RSPO2: variants seen among roughly 807,000 people sequenced by gnomAD.
The protein encoded by RSPO2 is R-spondin-2.
A neutral mutation model predicts 30.9 loss-of-function variants in RSPO2; 14 were observed. That is an observed-to-expected ratio of 0.45 (90% confidence interval 0.30 to 0.71). The LOEUF (loss-of-function observed/expected upper bound fraction) is 0.71, where lower values mean the gene tolerates loss of function less well. Ranked by LOEUF, RSPO2 falls within the 30% of genes least tolerant of loss-of-function variation. RSPO2 has a pLI of 0.08. For missense variants in RSPO2, 264 were observed against 301.9 expected (o/e 0.87, Z 0.93); for synonymous variants, 107 against 96.4 (o/e 1.11, Z -0.64).
intron 2 of RSPO2, among the ~76,000 whole-genome samples, chr8:108,005,666 G>A (rs118069560): frequency 1.4e-4 from 21 of 152,252 alleles, no homozygotes; most frequent in Non-Finnish European, 2.9e-4. Context: ...CCAAAATATT[G>A]TAGTTTTTAA....
intron 5 of RSPO2, among the ~76,000 whole-genome samples, chr8:107,926,241 T>C (rs1399094430): frequency 6.6e-6 from 1 of 152,250 alleles, no homozygotes; most frequent in Non-Finnish European, 1.5e-5. Context: ...CACCCACTTC[T>C]TGATGGGGTT....
chr8:108,025,593 C>T (rs767226947), intron 2 of RSPO2, among the ~76,000 whole-genome samples: 9 of 152,162 alleles, frequency 5.9e-5, no homozygotes, highest in Non-Finnish European at 1.2e-4. Context: ...GGCATAATCA[C>T]AAGCTCACTG....
rs188860538 is a variant in RSPO2, at chr8:108,017,698, G to A, written c.95-28454C>T. Among the ~76,000 whole-genome samples, 3 of 152,256 alleles carry A rather than the reference G, an allele frequency of 2.0e-5. No individual in the cohort carries two copies. In the East Asian group the frequency reaches 5.8e-4, roughly 29 times the overall value. On this transcript the variant is annotated intron_variant, in intron 2 of 5. Transcript: ENST00000276659. Reference sequence around the variant, plus strand: ...CCATCTGTCTCCAAACAATGTGTGTGTACAACTTTGATAAAAACAAAATTT... The same window carrying A: ...CCATCTGTCTCCAAACAATGTGTGTATACAACTTTGATAAAAACAAAATTT...
chr8:108,059,309 C>A (rs1445828538), intron 2 of RSPO2, among the ~76,000 whole-genome samples: 1 of 151,786 alleles, frequency 6.6e-6, no homozygotes, highest in Non-Finnish European at 1.5e-5. Context: ...GAGATACCAT[C>A]TCATACCATT....
Position 107,960,916 on chromosome 8 carries a change from A to T in RSPO2, c.284-99T>A, listed in dbSNP as rs1008752889. On this transcript the variant is annotated intron_variant, in intron 3 of 5. Transcript: ENST00000276659. Reference sequence around the variant, plus strand: ...GTAAACTCACAAGTTAGCCCATTTGAAATTCTCATCATCAGAGAAATATTG... The same window carrying T: ...GTAAACTCACAAGTTAGCCCATTTGTAATTCTCATCATCAGAGAAATATTG... The T allele has an allele frequency of 7.2e-5, 60 of 832,266 alleles. No individual in the cohort carries two copies. The Admixed American group carries it at 1.7e-3, about 24-fold the overall frequency. 51.6% of individuals were successfully genotyped at this position (832,266 alleles called of 1,614,324 possible).
At chr8:107,922,638 G>C (rs1167926293) in intron 5 of RSPO2, among the ~76,000 whole-genome samples, 2 of 151,998 alleles carry the variant, frequency 1.3e-5, no homozygotes, top group Non-Finnish European at 2.9e-5. Context: ...AAGTAGACAA[G>C]GCAATCCTAA....
At chr8:108,061,258 A>G (rs1812453591) in intron 2 of RSPO2, among the ~76,000 whole-genome samples, 1 of 151,880 alleles carries the variant, frequency 6.6e-6, no homozygotes, top group African/African-American at 2.4e-5. Flanking sequence ...TAAAGAGTCA[A>G]GACCCATCAG....
At chr8:108,065,304 A>G (rs1165463341) in intron 2 of RSPO2, among the ~76,000 whole-genome samples, 1 of 151,718 alleles carries the variant, frequency 6.6e-6, no homozygotes, top group African/African-American at 2.4e-5. Context: ...AAAAAAAAAA[A>G]AAGAAGAGTA....
At chr8:108,059,929 C>G (rs1812395023) in intron 2 of RSPO2, among the ~76,000 whole-genome samples, 1 of 150,714 alleles carries the variant, frequency 6.6e-6, no homozygotes, top group Admixed American at 6.6e-5. Context: ...GTGCAGCACA[C>G]CAGCATGGCA....
At chr8:108,035,133 C>T (rs1437673925) in intron 2 of RSPO2, among the ~76,000 whole-genome samples, 2 of 152,206 alleles carry the variant, frequency 1.3e-5, no homozygotes, top group African/African-American at 4.8e-5. Flanking sequence ...ACAGAAAGAC[C>T]AAAAGATTAC....
At chr8:107,934,801 G>A (rs1812662496) in intron 5 of RSPO2, among the ~76,000 whole-genome samples, 1 of 152,182 alleles carries the variant, frequency 6.6e-6, no homozygotes, top group Non-Finnish European at 1.5e-5. Flanking sequence ...TCTTATGCCT[G>A]TCTTTACTGC....
intron 2 of RSPO2, among the ~76,000 whole-genome samples, chr8:108,055,862 T>A (rs1321956423): frequency 6.6e-6 from 1 of 152,100 alleles, no homozygotes; most frequent in African/African-American, 2.4e-5. Flanking sequence ...ATTAGTACAA[T>A]ATCCTGGAGA....
intron 2 of RSPO2, among the ~76,000 whole-genome samples, chr8:108,065,289 G>GAAAAAA (rs533689799): frequency 5.1e-5 from 4 of 78,254 alleles, no homozygotes; most frequent in African/African-American, 8.3e-5. Flanking sequence ...CTCAGAAATT[G>GAAAAAA]AAAAAAAAAA....
intron 2 of RSPO2, among the ~76,000 whole-genome samples, chr8:108,059,507 T>C: frequency 6.6e-6 from 1 of 151,520 alleles, no homozygotes. Flanking sequence ...ACTGGGTATA[T>C]ACGCAAAGGA....
At chr8:107,901,662 A>T (rs664170) in intron 5 of RSPO2, among the ~76,000 whole-genome samples, 62,937 of 152,128 alleles carry the variant, frequency 0.41, 14,218 homozygotes, top group East Asian at 0.71. Flanking sequence ...TTTTAACATT[A>T]TTTCCTCCAT....
intron 2 of RSPO2, among the ~76,000 whole-genome samples, chr8:107,993,031 T>C (rs1371462865): frequency 6.6e-6 from 1 of 152,158 alleles, no homozygotes; most frequent in Admixed American, 6.5e-5. Flanking sequence ...AAAAACATGT[T>C]CATGTCTCTA....
chr8:107,912,503 G>A (rs1811855952), intron 5 of RSPO2, among the ~76,000 whole-genome samples: 1 of 152,086 alleles, frequency 6.6e-6, no homozygotes, highest in South Asian at 2.1e-4. Context: ...TTATGTTCTG[G>A]CCAAGGTGGA....
At chr8:107,960,967 ATCTCAT>A (rs1179676141) in intron 3 of RSPO2, 150 bp from the exon 4 acceptor site, 5 of 628,296 alleles carry the variant, frequency 8.0e-6, no homozygotes, top group Non-Finnish European at 1.4e-5. Context: ...TCCTAGCGCC[ATCTCAT>A]TCTAAGTCAT....
intron 2 of RSPO2, among the ~76,000 whole-genome samples, chr8:108,033,813 G>T (rs1442243551): frequency 6.6e-6 from 1 of 152,132 alleles, no homozygotes; most frequent in African/African-American, 2.4e-5. Context: ...GGAAAGAAAG[G>T]CATGGGGAGT....
Sources: gnomAD v4.1 joint callset for allele counts (sites outside exome capture counted in the v4.1 genomes callset) on GRCh38, gnomAD v4.1.1 for gene constraint, MANE v1.5 for transcripts, NCBI Gene and HGNC (gene_info 2026-07-23, HGNC 2026-07-21) for gene names.